Variants in TAS2R1 observed in about 807,000 individuals in gnomAD.
The protein encoded by TAS2R1 is taste 2 receptor member 1.
For synonymous variants in TAS2R1, 141 were observed against 134.2 expected, an observed-to-expected ratio of 1.05 and a Z score of -0.35; for missense variants, 370 against 353.4, an observed-to-expected ratio of 1.05 and a Z score of -0.38.
the TAS2R1 span, among the ~76,000 whole-genome samples, chr5:9,894,265 G>A: frequency 9.2e-5 from 14 of 152,086 alleles, no homozygotes; most frequent in East Asian, 1.9e-4. Flanking sequence ...TTAGCCAGCC[G>A]TGGTGGTGTG....
chr5:9,748,393 A>G, the TAS2R1 span, among the ~76,000 whole-genome samples: 1 of 152,212 alleles, frequency 6.6e-6, no homozygotes, highest in African/African-American at 2.4e-5. Context: ...GCTCAACTTT[A>G]TAAAAGAGCT....
chr5:9,849,311 G>T, the TAS2R1 span, among the ~76,000 whole-genome samples: 1 of 152,220 alleles, frequency 6.6e-6, no homozygotes, highest in Non-Finnish European at 1.5e-5. Flanking sequence ...TTGTTAAACA[G>T]CACTGCCACA....
the TAS2R1 span, among the ~76,000 whole-genome samples, chr5:9,801,752 C>T: frequency 6.6e-6 from 1 of 152,174 alleles, no homozygotes; most frequent in African/African-American, 2.4e-5. Flanking sequence ...AGGCCTGTGA[C>T]TGCTGGCTTT....
the TAS2R1 span, among the ~76,000 whole-genome samples, chr5:9,814,590 T>A: frequency 6.6e-6 from 1 of 152,188 alleles, no homozygotes; most frequent in African/African-American, 2.4e-5. Context: ...GATTGGTCAA[T>A]CCTACGTTCT....
the TAS2R1 span, among the ~76,000 whole-genome samples, chr5:9,898,205 T>C: frequency 6.6e-6 from 1 of 152,208 alleles, no homozygotes; most frequent in Non-Finnish European, 1.5e-5. Flanking sequence ...ATATACATCC[T>C]TAAGTGTGTC....
At chr5:9,876,665 A>C in the TAS2R1 span, among the ~76,000 whole-genome samples, 1 of 152,222 alleles carries the variant, frequency 6.6e-6, no homozygotes, top group Admixed American at 6.5e-5. Flanking sequence ...CTTTTATGGA[A>C]AACAGATGGA....
chr5:9,868,174 C>G, the TAS2R1 span, among the ~76,000 whole-genome samples: 6 of 152,230 alleles, frequency 3.9e-5, no homozygotes, highest in Admixed American at 2.6e-4. Flanking sequence ...GAGGTCTCTT[C>G]TCACAGCTCC....
At chr5:9,635,082 T>C (rs2126477208), upstream of TAS2R1, among the ~76,000 whole-genome samples, 1 of 152,284 alleles carries the variant, frequency 6.6e-6, no homozygotes, top group Admixed American at 6.5e-5. Flanking sequence ...GGCTGTGGGT[T>C]TGTCCTAGAT....
intron 1 of TAS2R1, among the ~76,000 whole-genome samples, chr5:9,670,609 G>A (rs1446850062): frequency 2.6e-5 from 4 of 152,040 alleles, no homozygotes; most frequent in African/African-American, 9.7e-5. Context: ...ATTTGGCTAA[G>A]GTTTCTTTTT....
At chr5:9,844,177 G>A in the TAS2R1 span, among the ~76,000 whole-genome samples, 1 of 152,324 alleles carries the variant, frequency 6.6e-6, no homozygotes, top group South Asian at 2.1e-4. Flanking sequence ...TATAAACCAG[G>A]AGGGCTGAGA....
intron 1 of TAS2R1, among the ~76,000 whole-genome samples, chr5:9,689,700 C>A (rs1439717846): frequency 6.6e-6 from 1 of 151,886 alleles, no homozygotes; most frequent in African/African-American, 2.4e-5. Context: ...AATATTATCA[C>A]TTAAAAAAAA....
chr5:9,745,132 G>T, the TAS2R1 span, among the ~76,000 whole-genome samples: 3 of 152,138 alleles, frequency 2.0e-5, no homozygotes, highest in African/African-American at 7.2e-5. Context: ...CCCCAGCAAG[G>T]GATGCAGTGG....
At chr5:9,761,707 G>A in the TAS2R1 span, among the ~76,000 whole-genome samples, 4 of 152,228 alleles carry the variant, frequency 2.6e-5, no homozygotes, top group South Asian at 2.1e-4. Flanking sequence ...GCTCTCTGCC[G>A]ATGTGTGAGT....
the TAS2R1 span, among the ~76,000 whole-genome samples, chr5:9,875,736 T>C: frequency 6.6e-6 from 1 of 152,094 alleles, no homozygotes; most frequent in African/African-American, 2.4e-5. Context: ...GTTATGAGGA[T>C]TCCCCAAAAG....
intron 1 of TAS2R1, among the ~76,000 whole-genome samples, chr5:9,666,620 G>A (rs761402255): frequency 7.9e-5 from 12 of 152,068 alleles, no homozygotes; most frequent in Non-Finnish European, 1.2e-4. Context: ...AAAAAAATAG[G>A]TGGTGCATCT....
At chr5:9,682,601 G>C (rs1741013682) in intron 1 of TAS2R1, among the ~76,000 whole-genome samples, 1 of 152,096 alleles carries the variant, frequency 6.6e-6, no homozygotes, top group South Asian at 2.1e-4. Flanking sequence ...GGAACAAAAG[G>C]ATAAAAGAGA....
chr5:9,709,287 C>T (rs968761675), intron 1 of TAS2R1, among the ~76,000 whole-genome samples: 3 of 152,018 alleles, frequency 2.0e-5, no homozygotes, highest in Non-Finnish European at 4.4e-5. Context: ...TATAGGGCCT[C>T]GCTGATTTTT....
the TAS2R1 span, among the ~76,000 whole-genome samples, chr5:9,729,279 C>T: frequency 7.9e-5 from 12 of 151,994 alleles, no homozygotes; most frequent in East Asian, 5.9e-4. Context: ...TGGGGGAGGA[C>T]GATGGTCCCT....
the TAS2R1 span, among the ~76,000 whole-genome samples, chr5:9,792,587 G>C: frequency 2.0e-5 from 3 of 152,214 alleles, no homozygotes; most frequent in Non-Finnish European, 4.4e-5. Flanking sequence ...ACTCAAAAGT[G>C]AGTGTGAATG....
Sources: gnomAD v4.1 joint callset for allele counts (sites outside exome capture counted in the v4.1 genomes callset) on GRCh38, gnomAD v4.1.1 for gene constraint, MANE v1.5 for transcripts, NCBI Gene and HGNC (gene_info 2026-07-23, HGNC 2026-07-21) for gene names.